PPL: variants seen among roughly 807,000 people sequenced by gnomAD.
The protein encoded by PPL is periplakin.
A neutral mutation model predicts 194.4 loss-of-function variants in PPL; 198 were observed. The ratio of observed to expected loss-of-function variants is 1.02; its 90% CI spans 0.91 to 1.15. PPL has a LOEUF of 1.15. Ranked by LOEUF, PPL falls within the 50% of genes most tolerant of loss-of-function variation. The pLI, the probability that PPL is intolerant of heterozygous loss-of-function variation, is 0.00. For missense variants in PPL, 2,885 were observed against 2,294.8 expected (o/e 1.26, Z -5.25); for synonymous variants, 1,220 against 972.4 (o/e 1.25, Z -4.74).
chr16:4,900,420 C>T (rs942169901), intron 6 of PPL, among the ~76,000 whole-genome samples: 1 of 134,094 alleles, frequency 7.5e-6, no homozygotes, highest in African/African-American at 2.7e-5. Context: ...CTGATTGAAA[C>T]GTTTACTGCA....
chr16:4,901,615 G>C (rs906549136), intron 4 of PPL, among the ~76,000 whole-genome samples: 44 of 152,124 alleles, frequency 2.9e-4, no homozygotes, highest in African/African-American at 1.0e-3. Context: ...CCTAAGCCTG[G>C]GAAGTTGAGG....
At chr16:4,900,274 C>G (rs1020410083) in intron 6 of PPL, among the ~76,000 whole-genome samples, 9 of 152,012 alleles carry the variant, frequency 5.9e-5, no homozygotes, top group African/African-American at 1.9e-4. Flanking sequence ...ACTTGGCACA[C>G]AGCAGATAAT....
chr16:4,911,129 G>A (rs1216144039), intron 1 of PPL, among the ~76,000 whole-genome samples, 180 bp from the exon 2 acceptor site: 2 of 150,920 alleles, frequency 1.3e-5, no homozygotes, highest in Non-Finnish European at 2.9e-5. Flanking sequence ...ACAGAGACAA[G>A]GCAGCGCCTG....
chr16:4,890,998 C>A lies in PPL; in HGVS notation c.1969-77G>T. 4.6e-6 allele frequency: 6 copies of A among 1,295,418 alleles called. No homozygotes were observed. The South Asian group carries it at 7.9e-5, about 17-fold the overall frequency. 80.2% of individuals were successfully genotyped at this position (1,295,418 alleles called of 1,614,324 possible). On this transcript the variant is annotated intron_variant, in intron 16 of 21. Transcript: ENST00000345988. ...CAGGCGATGACACCCACTGAAGCCCCTGGGCCACTGACTGTAGGAGGGTGG... is the reference window on the plus strand; with the variant it reads ...CAGGCGATGACACCCACTGAAGCCCATGGGCCACTGACTGTAGGAGGGTGG...
rs1249716057 is a variant in PPL at position 4,890,775 on chromosome 16, G to C, written c.2115C>G (p.His705Gln). Residue 705 changes from histidine (H) to glutamine (Q), a missense_variant, in exon 17 of 22, where the codon CAC becomes CAG. His to Gln is a conservative substitution (Grantham distance 24, BLOSUM62 0). Coordinates refer to ENST00000345988, the MANE Select transcript of PPL (RefSeq NM_002705.5). Reference sequence around the variant, plus strand: ...GGTTGTTGAAACGCTGGCCCAGCTTGTGCACCTCGGCCTCCTGGCGCTCCA... The same window carrying C: ...GGTTGTTGAAACGCTGGCCCAGCTTCTGCACCTCGGCCTCCTGGCGCTCCA... ...PDLERQEAEVHKLGQRFNNLR... is the reference protein window; with the variant it reads ...PDLERQEAEVQKLGQRFNNLR... The C allele has an allele frequency of 3.1e-6, 5 of 1,609,324 alleles. No homozygotes were observed. Among genetic ancestry groups the C allele is most frequent in the Non-Finnish European group, 4.2e-6 (5 of 1,178,284 alleles).
chr16:4,921,809 T>G (rs1262686872), intron 1 of PPL, among the ~76,000 whole-genome samples: 2 of 151,944 alleles, frequency 1.3e-5, no homozygotes, highest in Non-Finnish European at 2.9e-5. Flanking sequence ...GAGGACCCAG[T>G]GGCTCAGTAA....
chr16:4,909,038 G>T (rs2088763415), intron 2 of PPL, among the ~76,000 whole-genome samples: 1 of 152,220 alleles, frequency 6.6e-6, no homozygotes, highest in Non-Finnish European at 1.5e-5. Flanking sequence ...GAGCTGATGG[G>T]AGGGAACAGG....
chr16:4,890,442 C>G (rs75403547), intron 17 of PPL, 108 bp from the exon 18 acceptor site: 4 of 1,337,654 alleles, frequency 3.0e-6, no homozygotes, highest in Non-Finnish European at 4.0e-6. Flanking sequence ...ACCAGAAATA[C>G]CCCAAGTATC....
intron 1 of PPL, among the ~76,000 whole-genome samples, chr16:4,923,923 G>A (rs768128378): frequency 3.4e-4 from 52 of 152,186 alleles, no homozygotes; most frequent in Non-Finnish European, 6.2e-4. Context: ...TGTCCGTAGC[G>A]CCCATCAGAC....
At chr16:4,891,480 CGTT>C (rs2088318487) in intron 16 of PPL, 1 of 213,166 alleles carries the variant, frequency 4.7e-6, no homozygotes, top group Non-Finnish European at 8.6e-6. Flanking sequence ...GGTCTTGCAA[CGTT>C]GTCCAGGCGG....
Position 4,902,600 on chromosome 16 carries a change from G to C in PPL, c.318-74C>G, listed in dbSNP as rs2088598340. The C allele has an allele frequency of 1.3e-6, 2 of 1,541,136 alleles. No individual in the cohort carries two copies. Among genetic ancestry groups the C allele is most frequent in the Non-Finnish European group, 1.8e-6 (2 of 1,137,216 alleles). On this transcript the variant is annotated intron_variant, in intron 3 of 21. Transcript: ENST00000345988. The surrounding 1 kb of genome is among the most constrained non-coding windows in gnomAD (Gnocchi z 4.0). Reference sequence around the variant, plus strand: ...CACCCCAGGAGGGGCCCCCCACCCAGACCCCGGCCTCAGTGTCCTGGAAGG... The same window carrying C: ...CACCCCAGGAGGGGCCCCCCACCCACACCCCGGCCTCAGTGTCCTGGAAGG...
At chr16:4,926,034 C>A (rs1195821479) in intron 1 of PPL, among the ~76,000 whole-genome samples, 1 of 152,194 alleles carries the variant, frequency 6.6e-6, no homozygotes, top group Non-Finnish European at 1.5e-5. Context: ...CCCAGCCTGT[C>A]CCTCCAAACA....
Position 4,886,898 on chromosome 16 carries a change from C to T in PPL, c.2607+237G>A, listed in dbSNP as rs547602272. Among the ~76,000 whole-genome samples, 5 of 152,328 alleles carry T rather than the reference C, an allele frequency of 3.3e-5. No individual in the cohort carries two copies. In the South Asian group the frequency reaches 6.2e-4, roughly 19 times the overall value. On this transcript the variant is annotated intron_variant, in intron 21 of 21. Transcript: ENST00000345988. ...CCTCCCAAAGTGCTGGGATTACAAGCGTGAGCCACCATGCCCAGCTGAAAA... is the reference window on the plus strand; with the variant it reads ...CCTCCCAAAGTGCTGGGATTACAAGTGTGAGCCACCATGCCCAGCTGAAAA...
In PPL at chr16:4,883,198, G is replaced by A. The variant is rs2088132826; in HGVS notation, c.*186C>T. The A allele has an allele frequency of 1.4e-6, 1 of 703,024 alleles. No homozygotes were observed. The highest frequency in any genetic ancestry group is 2.3e-6 in the Non-Finnish European group (1 of 425,980). The allele number at this position is 703,024 out of a possible 1,614,324, so 43.5% of individuals were successfully genotyped here. ...ACTCAGGGTGAATGATGGTTGGGAC[G>A]AGAGTTGCCTGTCTTCAGCCAGTGC... On this transcript the variant is annotated 3_prime_UTR_variant, in exon 22 of 22. Coordinates refer to ENST00000345988, the MANE Select transcript of PPL (RefSeq NM_002705.5). This position sits in a 1 kb window ranked among gnomAD's most constrained non-coding sequence, Gnocchi z 4.8.
intron 2 of PPL, among the ~76,000 whole-genome samples, chr16:4,906,670 C>G (rs1462137120): frequency 6.6e-6 from 1 of 152,208 alleles, no homozygotes; most frequent in East Asian, 1.9e-4. Flanking sequence ...TCTCAAAACA[C>G]TGGCTGAGAG....
rs2088293630 is a variant in PPL, at chr16:4,890,232, C to T, written c.2265G>A (p.Gln755=). The T allele has an allele frequency of 6.2e-7, 1 of 1,614,098 alleles. No homozygotes were observed. Among genetic ancestry groups the T allele is most frequent in the African/African-American group, 1.3e-5 (1 of 74,938 alleles). Residue 755 remains glutamine (Q), a synonymous_variant, in exon 18 of 22, where the codon CAG becomes CAA. Coordinates refer to ENST00000345988, the MANE Select transcript of PPL (RefSeq NM_002705.5). ...FLVSIPSYEP[Q]ETDSLSQMET... ...CCATCTGGCTGAGGCTGTCTGTCTC[C>T]TGGGGCTCGTAACTGGGGATGCTGA...
At chr16:4,907,413 G>C (rs2088713973) in intron 2 of PPL, among the ~76,000 whole-genome samples, 1 of 151,950 alleles carries the variant, frequency 6.6e-6, no homozygotes, top group African/African-American at 2.4e-5. Context: ...CAGGTGGTGG[G>C]ATATGGGTGT....
chr16:4,892,080 C>T lies in PPL; in HGVS notation c.1784G>A (p.Arg595Gln), dbSNP rs201464519. The change falls in exon 15 of 22, where the codon CGG (arginine) becomes CAG (glutamine). Residue 595 changes from arginine (R) to glutamine (Q), a missense_variant. Arg to Gln is a conservative substitution (Grantham distance 43). Coordinates refer to ENST00000345988, the MANE Select transcript of PPL (RefSeq NM_002705.5). Reference protein sequence around the residue: ...LLRTRVEDTNRKYEHLLQLLD... With the variant: ...LLRTRVEDTNQKYEHLLQLLD... ...CAGCTGCAGGAGGTGCTCGTATTTC[C>T]GGTTGGTGTCCTCCACCCGGGTCCT... The T allele has an allele frequency of 8.8e-5, 142 of 1,613,694 alleles. No individual in the cohort carries two copies. Among genetic ancestry groups the T allele is most frequent in the Non-Finnish European group, 1.0e-4 (123 of 1,180,006 alleles).
At position 4,893,250 on chromosome 16, in the gene PPL, G is replaced by T; in HGVS notation, c.1613C>A (p.Ala538Asp). ...GGCCCGCTCGGCACTGTCCTGCACA[G>T]CCCGGCCTTGCTCCAGTGGTGGCCG... is the stretch of plus-strand genomic sequence containing the variant. ...ILRPPLEQGRAVQDSAERAKD... is the reference protein window; with the variant it reads ...ILRPPLEQGRDVQDSAERAKD... Residue 538 changes from alanine (A) to aspartate (D), a missense_variant, in exon 14 of 22, where the codon GCT becomes GAT. Physicochemically the swap from Ala to Asp is moderately radical, Grantham distance 126 (BLOSUM62 -2). Transcript: ENST00000345988. 1 of 1,591,184 alleles carries T rather than the reference G, an allele frequency of 6.3e-7. No homozygotes were observed.
Sources: allele counts gnomAD v4.1 joint callset (sites outside exome capture counted in the v4.1 genomes callset), GRCh38; gene constraint gnomAD v4.1.1; non-coding constraint Gnocchi (gnomAD v3.1); transcripts MANE v1.5; gene names NCBI Gene and HGNC (gene_info 2026-07-23, HGNC 2026-07-21).